SUN5: variants seen among roughly 807,000 people sequenced by gnomAD.
SUN5 encodes SUN domain-containing protein 5.
Under a neutral mutation model 53.7 loss-of-function variants are expected in SUN5, and 44 were observed. The ratio of observed to expected loss-of-function variants is 0.82; its 90% confidence interval spans 0.64 to 1.05. SUN5 has a LOEUF of 1.05. Among genes scored for constraint, SUN5 ranks in the 50% least tolerant of loss-of-function variants. The pLI, the probability that SUN5 is intolerant of heterozygous loss-of-function variation, is 0.00. For synonymous variants in SUN5, 166 were observed against 179.8 expected, an observed-to-expected ratio of 0.92 and a Z score of 0.62; for missense variants, 433 against 483.8, an observed-to-expected ratio of 0.90 and a Z score of 0.98.
At chr20:32,986,164 CATTCATTT>C (rs1356652744) in intron 10 of SUN5, among the ~76,000 whole-genome samples, 3 of 152,234 alleles carry the variant, frequency 2.0e-5, no homozygotes, top group Non-Finnish European at 4.4e-5. Context: ...CCCATTCATT[CATTCATTT>C]ACTCACTCAC....
rs776770523 is a variant in SUN5 at position 32,995,608 on chromosome 20, C to T, written c.534+11G>A. ...AATTAGATGTTTGGGGCAGAATGGCCAGCGTCTCACCTCATCGGACATGGC... is the reference window on the plus strand; with the variant it reads ...AATTAGATGTTTGGGGCAGAATGGCTAGCGTCTCACCTCATCGGACATGGC... On this transcript the variant is annotated intron_variant, in intron 8 of 12. Transcript: ENST00000356173. 3.1e-6 allele frequency: 5 copies of T among 1,610,822 alleles called. No individual in the cohort carries two copies. The African/African-American group carries it at 4.0e-5, about 13-fold the overall frequency.
intron 7 of SUN5, among the ~76,000 whole-genome samples, chr20:32,996,006 TA>T (rs574216128): frequency 0.01 from 1,569 of 152,276 alleles, 27 homozygotes; most frequent in African/African-American, 0.036. Flanking sequence ...GTGTCTTGGT[TA>T]AAATTTCTTC....
chr20:32,992,526 A>G (rs6058999), intron 8 of SUN5, among the ~76,000 whole-genome samples: 1,571 of 152,334 alleles, frequency 0.01, 27 homozygotes, highest in African/African-American at 0.036. Context: ...GTAAAACAGA[A>G]GGGCTCTGTT....
chr20:33,003,037 C>G, intron 1 of SUN5, 118 bp from the exon 2 acceptor site: 1 of 1,163,904 alleles, frequency 8.6e-7, no homozygotes, highest in East Asian at 2.4e-5. Context: ...TTCCCAACAC[C>G]ACCAGCCTGT....
intron 9 of SUN5, among the ~76,000 whole-genome samples, chr20:32,988,662 C>T (rs369782036): frequency 6.6e-6 from 1 of 151,852 alleles, no homozygotes. Flanking sequence ...GATCCTGGCT[C>T]ACCGCAACCT....
In SUN5 at chr20:32,987,725, C is replaced by A. The variant is rs767016137; in HGVS notation, c.664G>T (p.Ala222Ser). 6.2e-7 allele frequency: 1 copy of A among 1,613,468 alleles called. No individual in the cohort carries two copies. The highest frequency in any genetic ancestry group is 2.2e-5 in the East Asian group (1 of 44,850). ...TGGATCCAGTTCCAGTAGGAGTGGG[C>A]CTTCTCATGGTTATAGGTGACTGAC... ...HTSVTYNHEK[A>S]HSYWNWIQLW... The change falls in exon 10 of 13, where the codon GCC becomes TCC. Residue 222 changes from alanine (A) to serine (S), a missense_variant. By Grantham distance (99) the Ala-to-Ser change is moderately conservative. Transcript: ENST00000356173.
chr20:33,001,572 T>C (rs1990031168), intron 3 of SUN5, among the ~76,000 whole-genome samples: 2 of 140,774 alleles, frequency 1.4e-5, no homozygotes. Flanking sequence ...CTTTTCTTCC[T>C]TCCTTCCTTT....
chr20:33,000,994 A>C (rs1027313204), intron 4 of SUN5, among the ~76,000 whole-genome samples: 2 of 152,102 alleles, frequency 1.3e-5, no homozygotes, highest in Non-Finnish European at 2.9e-5. Context: ...TTGGAAAGGA[A>C]GGGTGGGACA....
intron 4 of SUN5, 144 bp downstream of exon 4, chr20:33,001,068 G>A (rs1178542905): frequency 1.2e-6 from 1 of 846,558 alleles, no homozygotes; most frequent in Admixed American, 2.2e-5. Context: ...GTTCTGGGGT[G>A]GGAGTGTTTG....
chr20:32,995,289 C>A (rs1285764648), intron 8 of SUN5, among the ~76,000 whole-genome samples: 1 of 152,090 alleles, frequency 6.6e-6, no homozygotes, highest in Non-Finnish European at 1.5e-5. Context: ...CTCAAAGGAT[C>A]AATAATAAGA....
intron 12 of SUN5, among the ~76,000 whole-genome samples, chr20:32,984,652 G>A (rs2146321005): frequency 6.6e-6 from 1 of 152,352 alleles, no homozygotes; most frequent in Non-Finnish European, 1.5e-5. Flanking sequence ...TCAAGCCCCA[G>A]GGCCATTCCA....
chr20:32,997,061 C>T (rs192243806), intron 6 of SUN5, among the ~76,000 whole-genome samples: 27 of 152,310 alleles, frequency 1.8e-4, no homozygotes, highest in African/African-American at 5.8e-4. Flanking sequence ...AGGAATGTGA[C>T]AACTTCTGCC....
In SUN5 at chr20:33,001,277, G is replaced by A. The variant is rs1990000518; in HGVS notation, c.213C>T (p.Ser71=). 1.9e-6 allele frequency: 3 copies of A among 1,572,084 alleles called. No homozygotes were observed. The highest frequency in any genetic ancestry group is 2.6e-6 in the Non-Finnish European group (3 of 1,156,318). Residue 71 remains serine, a splice_region_variant and synonymous_variant, in exon 4 of 13, where the codon TCC becomes TCT. Transcript: ENST00000356173. The part of the protein sequence containing the change: ...GLTQCMLGCV[S]WFTCFACSLR... ...GGGAGCAGGCAAAACAGGTGAACCA[G>A]GCTGCACGGGAGACAGAAAAGCAGT...
rs753668247 is a variant in SUN5 at position 32,989,717 on chromosome 20, C to A, written c.535-19G>T. On this transcript the variant is annotated intron_variant, in intron 8 of 12. Transcript: ENST00000356173. ...TTTTTTGCTGAAAAGGCAGAAAACACAAGTTGTGCCCTGGTGTGTTGTCAC... is the reference window on the plus strand; with the variant it reads ...TTTTTTGCTGAAAAGGCAGAAAACAAAAGTTGTGCCCTGGTGTGTTGTCAC... The A allele has an allele frequency of 3.7e-6, 6 of 1,607,760 alleles. No individual in the cohort carries two copies. In the South Asian group the frequency reaches 6.6e-5, roughly 18 times the overall value.
intron 8 of SUN5, among the ~76,000 whole-genome samples, chr20:32,994,183 A>T (rs564138575): frequency 1.6e-4 from 25 of 152,350 alleles, no homozygotes; most frequent in Middle Eastern, 3.4e-3. Flanking sequence ...AAATTTTTTT[A>T]AAATTGTGAT....
chr20:32,987,013 C>T (rs941070797), intron 10 of SUN5, among the ~76,000 whole-genome samples: 3 of 152,230 alleles, frequency 2.0e-5, no homozygotes, highest in African/African-American at 4.8e-5. Flanking sequence ...GTAGAACCCA[C>T]GGATGAGTGG....
At chr20:32,985,570 G>A (rs1838131077) in intron 11 of SUN5, among the ~76,000 whole-genome samples, 166 bp downstream of exon 11, 1 of 152,106 alleles carries the variant, frequency 6.6e-6, no homozygotes, top group African/African-American at 2.4e-5. Flanking sequence ...ACCCTTGAAG[G>A]CTGAAATTGG....
intron 8 of SUN5, among the ~76,000 whole-genome samples, chr20:32,993,822 T>C (rs767081364): frequency 6.6e-6 from 1 of 152,204 alleles, no homozygotes; most frequent in Non-Finnish European, 1.5e-5. Context: ...TTCGAATTGT[T>C]AACATTTTCC....
At chr20:32,995,755 C>A in intron 7 of SUN5, 28 bp from the exon 8 acceptor site, 1 of 1,602,164 alleles carries the variant, frequency 6.2e-7, no homozygotes. Context: ...ATAACAAGAA[C>A]AGGTTGATTT....
Sources: allele counts gnomAD v4.1 joint callset (sites outside exome capture counted in the v4.1 genomes callset), GRCh38; gene constraint gnomAD v4.1.1; transcripts MANE v1.5; gene names NCBI Gene and HGNC (gene_info 2026-07-23, HGNC 2026-07-21).